RPS6KA2: variants seen among roughly 807,000 people sequenced by gnomAD.
The protein encoded by RPS6KA2 is ribosomal protein S6 kinase alpha-2.
A neutral mutation model predicts 91.8 loss-of-function variants in RPS6KA2; 42 were observed. The ratio of observed to expected loss-of-function variants is 0.46; its 90% CI spans 0.36 to 0.59. The LOEUF (loss-of-function observed/expected upper bound fraction) is 0.59. RPS6KA2 is among the 20% of genes least tolerant of loss of function. RPS6KA2 has a pLI of 0.00. For synonymous variants in RPS6KA2, 414 were observed against 393.6 expected (o/e 1.05, Z -0.61); for missense variants, 798 against 978.5 (o/e 0.82, Z 2.46).
rs1036126766 is a variant in RPS6KA2, at chr6:166,493,592, C to A, written c.748-2851G>T. 2.0e-5 allele frequency among the ~76,000 whole-genome samples: 3 copies of A among 152,056 alleles called. No individual in the cohort carries two copies. The highest frequency in any genetic ancestry group is 7.2e-5 in the African/African-American group (3 of 41,380). ...CTCCAAAGGATTCTTTCCCAATCGG[C>A]ACCGAGACCAGGCTGCAGACAGGCA... On this transcript the variant is annotated intron_variant, in intron 8 of 20. Coordinates refer to ENST00000265678, the MANE Select transcript of RPS6KA2 (RefSeq NM_021135.6). This position sits in a 1 kb window ranked among gnomAD's most constrained non-coding sequence, Gnocchi z 4.7.
intron 2 of RPS6KA2, among the ~76,000 whole-genome samples, chr6:166,720,264 C>T (rs1790135555): frequency 6.6e-6 from 1 of 152,136 alleles, no homozygotes; most frequent in South Asian, 2.1e-4. Context: ...CTCTTATGTG[C>T]TTGGAATGCA....
chr6:166,776,847 G>A (rs1292653095), intron 2 of RPS6KA2, among the ~76,000 whole-genome samples: 1 of 152,152 alleles, frequency 6.6e-6, no homozygotes, highest in Admixed American at 6.5e-5. Flanking sequence ...ATCTTTTGGC[G>A]ACTGTGAGTT....
chr6:166,490,652 T>C lies in RPS6KA2; in HGVS notation c.818+19A>G. ...AGAAGGTGCTCGCAGGTCTCTGGGG[T>C]GGCTCCCACACTACTCACTTGAGGA... is the stretch of plus-strand genomic sequence containing the variant. On this transcript the variant is annotated intron_variant, in intron 9 of 20. Coordinates refer to ENST00000265678, the MANE Select transcript of RPS6KA2 (RefSeq NM_021135.6). This position sits in a 1 kb window ranked among gnomAD's most constrained non-coding sequence, Gnocchi z 4.2. 1 of 1,586,116 alleles carries C rather than the reference T, an allele frequency of 6.3e-7. No homozygotes were observed. The highest frequency in any genetic ancestry group is 2.3e-5 in the East Asian group (1 of 44,318).
intron 2 of RPS6KA2, among the ~76,000 whole-genome samples, chr6:166,705,054 A>G (rs1218059988): frequency 6.6e-6 from 1 of 152,186 alleles, no homozygotes; most frequent in African/African-American, 2.4e-5. Context: ...GCACAATGCA[A>G]ACTTCTCAGG....
chr6:166,862,483 C>G lies in RPS6KA2; in HGVS notation c.-313G>C, dbSNP rs1045599493. ...GGGCTGGGGCGAGGAAAGGAGGGGACGGCGCTGCGGCTTCGGAATCTGTAC... is the reference window on the plus strand; with the variant it reads ...GGGCTGGGGCGAGGAAAGGAGGGGAGGGCGCTGCGGCTTCGGAATCTGTAC... On this transcript the variant is annotated 5_prime_UTR_variant, in exon 1 of 22. Transcript: ENST00000503859. 7.7e-6 allele frequency: 6 copies of G among 779,100 alleles called. No individual in the cohort carries two copies. The African/African-American group carries it at 1.1e-4, about 14-fold the overall frequency. 48.3% of individuals were successfully genotyped at this position (779,100 alleles called of 1,614,324 possible). A position where few individuals can be genotyped will look rare whatever the true frequency, so the allele number is the denominator to read the frequency against.
At chr6:166,644,579 A>G (rs1427721794) in intron 2 of RPS6KA2, among the ~76,000 whole-genome samples, 2 of 152,232 alleles carry the variant, frequency 1.3e-5, no homozygotes, top group African/African-American at 4.8e-5. Context: ...GCGTGAAAGT[A>G]TATTGCAAAT....
At chr6:166,413,986 C>T in intron 19 of RPS6KA2, 55 bp from the exon 20 acceptor site, 1 of 1,553,520 alleles carries the variant, frequency 6.4e-7, no homozygotes, top group Non-Finnish European at 8.8e-7. Context: ...TGTGCTGGGT[C>T]AGAGAGCCTC....
Position 166,475,869 on chromosome 6 carries a change from G to A in RPS6KA2, c.908-5964C>T, listed in dbSNP as rs370920031. The A allele has an allele frequency of 1.1e-3, 560 of 523,748 alleles. 4 individuals carry two copies. The highest frequency in any genetic ancestry group is 1.0e-2 in the African/African-American group (512 of 51,426). The allele number at this position is 523,748 out of a possible 1,614,324, so 32.4% of individuals were successfully genotyped here. A position where few individuals can be genotyped will look rare whatever the true frequency, so the allele number is the denominator to read the frequency against. ...AGAGTGTAAGAGAGGAATGAGATGC[G>A]TCTGTATTTCTGGTAGTCTGGACAT... On this transcript the variant is annotated intron_variant, in intron 10 of 20. Transcript: ENST00000265678.
intron 1 of RPS6KA2, among the ~76,000 whole-genome samples, chr6:166,616,464 G>A (rs1027829900): frequency 3.3e-5 from 5 of 152,186 alleles, no homozygotes; most frequent in Non-Finnish European, 5.9e-5. Context: ...CAACCGAGTC[G>A]CTCCTGTCCA....
At position 166,490,242 on chromosome 6, in the gene RPS6KA2, C is replaced by G. The variant is rs1781541465; in HGVS notation, c.818+429G>C. 6.6e-6 allele frequency among the ~76,000 whole-genome samples: 1 copy of G among 152,120 alleles called. No homozygotes were observed. Among genetic ancestry groups the G allele is most frequent in the Admixed American group, 6.5e-5 (1 of 15,270 alleles). Reference sequence around the variant, plus strand: ...AGCAGGTGGGGAGGGAAAGGAGACCCCTGCTCCTGTGATCTCTCCGGACAA... The same window carrying G: ...AGCAGGTGGGGAGGGAAAGGAGACCGCTGCTCCTGTGATCTCTCCGGACAA... On this transcript the variant is annotated intron_variant, in intron 9 of 20. Transcript: ENST00000265678. This position sits in a 1 kb window ranked among gnomAD's most constrained non-coding sequence, Gnocchi z 4.2.
intron 2 of RPS6KA2, among the ~76,000 whole-genome samples, chr6:166,661,303 T>C (rs560537943): frequency 6.6e-6 from 1 of 152,338 alleles, no homozygotes; most frequent in South Asian, 2.1e-4. Flanking sequence ...GTTTACCACG[T>C]TGGCCAGGCT....
intron 2 of RPS6KA2, among the ~76,000 whole-genome samples, chr6:166,712,771 C>T (rs1003543390): frequency 5.9e-5 from 9 of 152,216 alleles, no homozygotes; most frequent in East Asian, 1.9e-4. Context: ...TCTGCCTTCC[C>T]GGCGCCCCCT....
At chr6:166,474,323 T>TC (rs1434013533) in intron 10 of RPS6KA2, among the ~76,000 whole-genome samples, 11 of 152,202 alleles carry the variant, frequency 7.2e-5, no homozygotes, top group Admixed American at 7.2e-4. Context: ...ACGGAAAACC[T>TC]CTGCCCGTGC....
chr6:166,847,186 G>A (rs958602053), intron 2 of RPS6KA2, among the ~76,000 whole-genome samples: 4 of 151,816 alleles, frequency 2.6e-5, no homozygotes, highest in African/African-American at 9.7e-5. Flanking sequence ...AAAACCTTAG[G>A]CATATACCTA....
Position 166,419,927 on chromosome 6 carries a change from C to T in RPS6KA2, c.1775G>A (p.Cys592Tyr). ...CAGGATCCCCAAACTCCAGATGTCACACGCCGCATCATAGCCTTGACGCTT... is the reference window on the plus strand; with the variant it reads ...CAGGATCCCCAAACTCCAGATGTCATACGCCGCATCATAGCCTTGACGCTT... ...VLKRQGYDAA[C>Y]DIWSLGILLY... Residue 592 changes from cysteine (C) to tyrosine (Y), a missense_variant, in exon 18 of 21, where the codon TGT becomes TAT. Transcript: ENST00000265678. This position sits in a 1 kb window ranked among gnomAD's most constrained non-coding sequence, Gnocchi z 5.6. 1 of 1,613,982 alleles carries T rather than the reference C, an allele frequency of 6.2e-7. No individual in the cohort carries two copies. The highest frequency in any genetic ancestry group is 8.5e-7 in the Non-Finnish European group (1 of 1,179,888).
At chr6:166,716,780 T>A (rs1422195337) in intron 2 of RPS6KA2, among the ~76,000 whole-genome samples, 1 of 152,164 alleles carries the variant, frequency 6.6e-6, no homozygotes, top group Non-Finnish European at 1.5e-5. Context: ...AGTACCAGAA[T>A]AAAGTAAGGG....
chr6:166,615,942 G>A (rs1786393688), intron 1 of RPS6KA2, among the ~76,000 whole-genome samples: 1 of 152,186 alleles, frequency 6.6e-6, no homozygotes, highest in South Asian at 2.1e-4. Flanking sequence ...AGGCCTCACT[G>A]CAGTCATTCT....
intron 8 of RPS6KA2, among the ~76,000 whole-genome samples, chr6:166,496,834 G>C (rs1781803043): frequency 6.6e-6 from 1 of 152,162 alleles, no homozygotes; most frequent in African/African-American, 2.4e-5. Context: ...TTTAAGAACT[G>C]GAATCTCTCC....
chr6:166,631,582 T>C (rs140863005), upstream of RPS6KA2, among the ~76,000 whole-genome samples: 269 of 152,348 alleles, frequency 1.8e-3, 4 homozygotes, highest in South Asian at 4.1e-4. Flanking sequence ...TTATAAACCA[T>C]AGGGCCAGAA....
Sources: allele counts gnomAD v4.1 joint callset (sites outside exome capture counted in the v4.1 genomes callset), GRCh38; gene constraint gnomAD v4.1.1; non-coding constraint Gnocchi (gnomAD v3.1); transcripts MANE v1.5; gene names NCBI Gene and HGNC (gene_info 2026-07-23, HGNC 2026-07-21).